UNC5D: variants seen among roughly 807,000 people sequenced by gnomAD.
The protein encoded by UNC5D is unc-5 netrin receptor D, also known as netrin receptor UNC5D.
UNC5D carries 39 observed loss-of-function variants against 105.4 expected under a neutral mutation model. The observed-to-expected ratio is 0.37, with a 90% confidence interval of 0.29 to 0.48. UNC5D has a LOEUF of 0.48. Among genes scored for constraint, UNC5D ranks in the 20% least tolerant of loss-of-function variants. UNC5D has a pLI of 0.98. For missense variants in UNC5D, 991 were observed against 1,202.4 expected (o/e 0.82, Z 2.60); for synonymous variants, 452 against 450.4 (o/e 1.00, Z -0.04).
chr8:35,342,070 G>A (rs1251088678), intron 1 of UNC5D, among the ~76,000 whole-genome samples: 1 of 152,050 alleles, frequency 6.6e-6, no homozygotes, highest in Non-Finnish European at 1.5e-5. Flanking sequence ...TACCGTGGAT[G>A]CATTTAAGTA....
At position 35,748,598 on chromosome 8, in the gene UNC5D, C is replaced by G; in HGVS notation, c.1838C>G (p.Thr613Ser). Residue 613 changes from threonine to serine, a missense_variant, in exon 12 of 17, where the codon ACC becomes AGC. Transcript: ENST00000404895. ...VTCGPPDMIV[T>S]TPFALTIPHC... Reference sequence around the variant, plus strand: ...TGTGGTCCTCCAGACATGATCGTCACCACTCCCTTTGCATTGACCATCCCG... The same window carrying G: ...TGTGGTCCTCCAGACATGATCGTCAGCACTCCCTTTGCATTGACCATCCCG... The G allele has an allele frequency of 6.2e-7, 1 of 1,614,092 alleles. No homozygotes were observed. Among genetic ancestry groups the G allele is most frequent in the South Asian group, 1.1e-5 (1 of 91,080 alleles).
chr8:35,588,156 A>T (rs1323797479), intron 3 of UNC5D, among the ~76,000 whole-genome samples: 1 of 151,696 alleles, frequency 6.6e-6, no homozygotes, highest in Non-Finnish European at 1.5e-5. Flanking sequence ...CCATGTGCAC[A>T]TGATTATGAG....
intron 14 of UNC5D, among the ~76,000 whole-genome samples, chr8:35,764,053 C>T (rs1011626394): frequency 1.3e-5 from 2 of 152,172 alleles, no homozygotes; most frequent in African/African-American, 4.8e-5. Context: ...TTGCCTCTCC[C>T]ATTAAGCCCC....
At chr8:35,569,881 C>G (rs1466593060) in intron 3 of UNC5D, among the ~76,000 whole-genome samples, 1 of 151,822 alleles carries the variant, frequency 6.6e-6, no homozygotes, top group African/African-American at 2.4e-5. Context: ...TTCTGCTCAC[C>G]CTCACTTTTT....
chr8:35,731,066 T>C lies in UNC5D; in HGVS notation c.1736T>C (p.Ile579Thr). Residue 579 changes from isoleucine to threonine, a missense_variant, in exon 11 of 17, where the codon ATT (isoleucine) becomes ACT (threonine). Around this residue, in one of 3 missense-constraint regions of UNC5D, gnomAD observed 944 missense variants for 1,131.6 expected, o/e 0.83. Coordinates refer to ENST00000404895, the MANE Select transcript of UNC5D (RefSeq NM_080872.4). Reference sequence around the variant, plus strand: ...ATCCCAGAGGAGAATTCTTGGGAGATTTATATGTCCATCAACCAAGGTGAA... The same window carrying C: ...ATCCCAGAGGAGAATTCTTGGGAGACTTATATGTCCATCAACCAAGGTGAA... ...GAIPEENSWEIYMSINQGEPS... is the reference protein window; with the variant it reads ...GAIPEENSWETYMSINQGEPS... 1 of 1,613,820 alleles carries C rather than the reference T, an allele frequency of 6.2e-7. No individual in the cohort carries two copies. The highest frequency in any genetic ancestry group is 1.3e-5 in the African/African-American group (1 of 74,980).
intron 2 of UNC5D, among the ~76,000 whole-genome samples, chr8:35,553,957 G>T (rs922740384): frequency 6.6e-6 from 1 of 152,136 alleles, no homozygotes; most frequent in Non-Finnish European, 1.5e-5. Flanking sequence ...ACTGTCCCTG[G>T]TTTTTTAAGT....
At chr8:35,414,060 T>C (rs2128960461) in intron 1 of UNC5D, among the ~76,000 whole-genome samples, 1 of 152,188 alleles carries the variant, frequency 6.6e-6, no homozygotes, top group East Asian at 1.9e-4. Flanking sequence ...TTTCTGAAGC[T>C]CTCTAGGTTG....
At chr8:35,548,562 A>G (rs1168824232) in intron 1 of UNC5D, among the ~76,000 whole-genome samples, 2 of 152,078 alleles carry the variant, frequency 1.3e-5, no homozygotes, top group Non-Finnish European at 2.9e-5. Context: ...CCATTTCCTA[A>G]GGTTAGGGGA....
intron 1 of UNC5D, among the ~76,000 whole-genome samples, chr8:35,342,675 A>T (rs1811533851): frequency 6.6e-6 from 1 of 152,084 alleles, no homozygotes; most frequent in African/African-American, 2.4e-5. Context: ...ACTTGATAAA[A>T]ACCCAGAGTC....
chr8:35,247,640 AAT>A (rs1362825031), intron 1 of UNC5D, among the ~76,000 whole-genome samples: 3 of 61,912 alleles, frequency 4.8e-5, no homozygotes, highest in Admixed American at 3.4e-4. Context: ...ATAATATATA[AAT>A]ATATATTATA....
Position 35,795,785 on chromosome 8 carries a change from G to A in UNC5D, c.*5222G>A, listed in dbSNP as rs1803230633. 2 of 152,116 alleles carry A rather than the reference G, an allele frequency of 1.3e-5. No homozygotes were observed. Among genetic ancestry groups the A allele is most frequent in the Admixed American group, 1.3e-4 (2 of 15,268 alleles). The allele number at this position is 152,116 out of a possible 1,614,324, so 9.4% of individuals were successfully genotyped here. On this transcript the variant is annotated 3_prime_UTR_variant, in exon 17 of 17. Coordinates refer to ENST00000404895, the MANE Select transcript of UNC5D (RefSeq NM_080872.4). ...TCAGAATCTGGGAATTTTCTGGTTG[G>A]AAGAACAATGTTCTCCTTTTCCAAA...
intron 14 of UNC5D, among the ~76,000 whole-genome samples, chr8:35,764,533 A>T (rs1248272504): frequency 6.6e-6 from 1 of 152,220 alleles, no homozygotes; most frequent in Non-Finnish European, 1.5e-5. Flanking sequence ...GCATATGATG[A>T]TACAAGTGAA....
At chr8:35,713,005 T>C (rs1012780709) in intron 8 of UNC5D, among the ~76,000 whole-genome samples, 1 of 152,180 alleles carries the variant, frequency 6.6e-6, no homozygotes. Context: ...TCATTCCTAC[T>C]GTGAATCAAT....
At chr8:35,630,570 G>A (rs1041128925) in intron 4 of UNC5D, among the ~76,000 whole-genome samples, 12 of 152,112 alleles carry the variant, frequency 7.9e-5, no homozygotes, top group African/African-American at 2.4e-4. Flanking sequence ...GTTTGACCCT[G>A]TTCTGGCTCT....
At chr8:35,609,768 A>G (rs1425467433) in intron 4 of UNC5D, among the ~76,000 whole-genome samples, 1 of 152,164 alleles carries the variant, frequency 6.6e-6, no homozygotes, top group Non-Finnish European at 1.5e-5. Flanking sequence ...CCATGCCACC[A>G]CTTGGTTCCC....
At chr8:35,488,794 C>G (rs997071120) in intron 1 of UNC5D, among the ~76,000 whole-genome samples, 1 of 152,006 alleles carries the variant, frequency 6.6e-6, no homozygotes, top group Non-Finnish European at 1.5e-5. Flanking sequence ...CACAGATTGG[C>G]GATGGGACAA....
chr8:35,627,781 T>G (rs1821780722), intron 4 of UNC5D, among the ~76,000 whole-genome samples: 1 of 151,990 alleles, frequency 6.6e-6, no homozygotes, highest in African/African-American at 2.4e-5. Context: ...ATAGAAAAAT[T>G]AGCCAGGCGT....
At chr8:35,766,808 A>C in intron 14 of UNC5D, 94 bp from the exon 15 acceptor site, 2 of 1,091,148 alleles carry the variant, frequency 1.8e-6, no homozygotes, top group Non-Finnish European at 2.5e-6. Context: ...TGTTGTCGTC[A>C]TCATCATCAT....
At chr8:35,693,558 T>C (rs1011481429) in intron 7 of UNC5D, among the ~76,000 whole-genome samples, 3 of 152,196 alleles carry the variant, frequency 2.0e-5, no homozygotes, top group African/African-American at 4.8e-5. Flanking sequence ...CAGAAAACTT[T>C]TTCTGTTGTC....
Sources: gnomAD v4.1 joint callset for allele counts (sites outside exome capture counted in the v4.1 genomes callset) on GRCh38, gnomAD v4.1.1 for gene constraint, gnomAD v4.1.1 regional missense constraint, MANE v1.5 for transcripts, NCBI Gene and HGNC (gene_info 2026-07-23, HGNC 2026-07-21) for gene names.